The following ARPC1B variants were observed in gnomAD, a reference collection of about 807,000 sequenced individuals.
ARPC1B encodes actin related protein 2/3 complex subunit 1B, also known as actin-related protein 2/3 complex subunit 1B.
In ARPC1B, 29 loss-of-function variants were observed where a neutral mutation model predicts 46.0. That is an observed-to-expected ratio of 0.63 (90% CI 0.47 to 0.86). The LOEUF (loss-of-function observed/expected upper bound fraction) is 0.86. Ranked by LOEUF, ARPC1B falls within the 40% of genes least tolerant of loss-of-function variation. The pLI, the probability that ARPC1B is intolerant of heterozygous loss-of-function variation, is 0.00. For missense variants in ARPC1B, 469 were observed against 529.4 expected (o/e 0.89, Z 1.12); for synonymous variants, 201 against 213.9 (o/e 0.94, Z 0.53).
intron 1 of ARPC1B, among the ~76,000 whole-genome samples, chr7:99,375,255 A>G (rs1793999159): frequency 6.6e-6 from 1 of 151,538 alleles, no homozygotes; most frequent in African/African-American, 2.4e-5. Flanking sequence ...ACACCCAGTC[A>G]CTTCCCCTCC....
In ARPC1B at chr7:99,390,011, C is replaced by T. The variant is rs190333133; in HGVS notation, c.499C>T (p.Arg167Trp). ...LAAGSCDFKC[R>W]IFSAYIKEVE... Reference sequence around the variant, plus strand: ...TGCCGGCTCCTGTGACTTCAAGTGTCGGTGAGACAGGGCGCCATGGGGGAG... The same window carrying T: ...TGCCGGCTCCTGTGACTTCAAGTGTTGGTGAGACAGGGCGCCATGGGGGAG... Residue 167 changes from arginine to tryptophan, a missense_variant and splice_region_variant, in exon 5 of 10, where the codon CGG becomes TGG. By Grantham distance (101) the Arg-to-Trp change is moderately radical. Coordinates refer to ENST00000646101, the MANE Select transcript of ARPC1B (RefSeq NM_005720.4). The T allele has an allele frequency of 7.3e-5, 118 of 1,613,610 alleles. No homozygotes were observed. The highest frequency in any genetic ancestry group is 4.8e-4 in the Admixed American group (29 of 60,014).
chr7:99,380,813 C>T (rs980169927), intron 1 of ARPC1B, among the ~76,000 whole-genome samples: 15 of 152,288 alleles, frequency 9.8e-5, no homozygotes, highest in Non-Finnish European at 8.8e-5. Context: ...CCCTCATCCC[C>T]GGAGGTTCCT....
intron 1 of ARPC1B, among the ~76,000 whole-genome samples, chr7:99,376,899 A>T (rs1455818074): frequency 6.6e-6 from 1 of 152,008 alleles, no homozygotes; most frequent in African/African-American, 2.4e-5. Flanking sequence ...CAAACAAAAA[A>T]TGTCTCAGGC....
chr7:99,391,269 G>A lies in ARPC1B; in HGVS notation c.783+16G>A, dbSNP rs550507060. On this transcript the variant is annotated intron_variant, in intron 7 of 9. Transcript: ENST00000646101. ...GGTGGCAGCGGTGAGGAATAGGGAG[G>A]GGAGGGAGGGTGTGTGGTCACAGCA... 13 of 1,612,234 alleles carry A rather than the reference G, an allele frequency of 8.1e-6. No individual in the cohort carries two copies. In the African/African-American group the frequency reaches 1.3e-4, roughly 17 times the overall value.
intron 5 of ARPC1B, among the ~76,000 whole-genome samples, chr7:99,390,251 G>A (rs1467825455): frequency 1.3e-5 from 2 of 152,130 alleles, no homozygotes; most frequent in Admixed American, 6.6e-5. Context: ...TTGCTCTGTT[G>A]CCCGGGCTGG....
chr7:99,383,134 C>T (rs11983474), intron 1 of ARPC1B, among the ~76,000 whole-genome samples: 17,218 of 152,074 alleles, frequency 0.11, 1,524 homozygotes, highest in African/African-American at 0.24. Context: ...CATGAGCCAC[C>T]GTGCCTGGCC....
rs1477667457 is a variant in ARPC1B, at chr7:99,392,769, T to C, written c.882T>C (p.Arg294=). Residue 294 remains arginine (R), a synonymous_variant, in exon 8 of 10, where the codon CGT becomes CGC. Transcript: ENST00000646101. ...RLDVPKQSSQ[R]GLTARERFQN... The stretch of plus-strand genomic sequence containing the variant: ...ACGTTCCTAAGCAGAGCTCGCAGCG[T>C]GGCTTGACGGCCCGCGAGCGCTTCC... 4 of 1,549,806 alleles carry C rather than the reference T, an allele frequency of 2.6e-6. No individual in the cohort carries two copies. The highest frequency in any genetic ancestry group is 1.7e-4 in the Middle Eastern group (1 of 5,980).
intron 1 of ARPC1B, among the ~76,000 whole-genome samples, chr7:99,378,438 T>C (rs1296101379): frequency 1.3e-5 from 2 of 149,846 alleles, no homozygotes; most frequent in African/African-American, 4.9e-5. Flanking sequence ...CCCAGCACTT[T>C]GGGAGGCCGA....
At chr7:99,382,222 G>C (rs1381561102) in intron 1 of ARPC1B, among the ~76,000 whole-genome samples, 1 of 152,056 alleles carries the variant, frequency 6.6e-6, no homozygotes, top group East Asian at 1.9e-4. Flanking sequence ...CGGATCACTT[G>C]AGGTCAGGAG....
rs374960321 is a variant in ARPC1B, at chr7:99,385,694, G to C, written c.-13-8G>C. ...GACGTGGATTCTCTCTTCCTCTCTC[G>C]GGCACAGGAGCCAAGCCGCCATGGC... On this transcript the variant is annotated splice_region_variant and splice_polypyrimidine_tract_variant and intron_variant, in intron 1 of 9. Transcript: ENST00000646101. The C allele has an allele frequency of 1.2e-6, 2 of 1,604,442 alleles. No individual in the cohort carries two copies. Among genetic ancestry groups the C allele is most frequent in the Non-Finnish European group, 1.7e-6 (2 of 1,177,256 alleles).
At chr7:99,386,659 T>C in intron 2 of ARPC1B, 26 bp from the exon 3 acceptor site, 1 of 1,573,366 alleles carries the variant, frequency 6.4e-7, no homozygotes, top group Non-Finnish European at 8.7e-7. Flanking sequence ...AGAGGGCCCC[T>C]CAATCTCCCT....
chr7:99,383,924 C>T (rs1262949598), intron 1 of ARPC1B: 1 of 152,294 alleles, frequency 6.6e-6, no homozygotes, highest in African/African-American at 2.4e-5. Flanking sequence ...CTCTCAGCAT[C>T]TCTGCTGGGA....
intron 1 of ARPC1B, among the ~76,000 whole-genome samples, chr7:99,380,469 C>T (rs1226677994): frequency 3.3e-5 from 5 of 152,222 alleles, no homozygotes; most frequent in Non-Finnish European, 7.3e-5. Flanking sequence ...AGTATTTCTG[C>T]TAATTCATGC....
intron 2 of ARPC1B, 90 bp from the exon 3 acceptor site, chr7:99,386,595 G>C: frequency 1.0e-6 from 1 of 1,000,630 alleles, no homozygotes; most frequent in Non-Finnish European, 1.6e-6. Context: ...TGAAAGGTGA[G>C]GTGTTGTTGC....
chr7:99,394,698 G>GGAAAAA lies in ARPC1B; in HGVS notation c.*209_*210insGAAAAA. On this transcript the variant is annotated 3_prime_UTR_variant, in exon 10 of 10. Coordinates refer to ENST00000646101, the MANE Select transcript of ARPC1B (RefSeq NM_005720.4). Reference sequence around the variant, plus strand: ...TTTTTCTTAAATGCTTTCATTTATTGAAAAAAAAAAAAAATGCCCCCAAAG... The same window carrying GGAAAAA: ...TTTTTCTTAAATGCTTTCATTTATTGGAAAAAAAAAAAAAAAAAAATGCCCCCAAAG... 1 of 1,163,610 alleles carries GGAAAAA rather than the reference G, an allele frequency of 8.6e-7. No homozygotes were observed. The highest frequency in any genetic ancestry group is 1.9e-5 in the African/African-American group (1 of 53,368). The allele number at this position is 1,163,610 out of a possible 1,614,324, so 72.1% of individuals were successfully genotyped here.
chr7:99,379,332 A>C (rs1794137022), intron 1 of ARPC1B, among the ~76,000 whole-genome samples: 1 of 152,146 alleles, frequency 6.6e-6, no homozygotes, highest in East Asian at 1.9e-4. Context: ...TAAGACTTCA[A>C]GAGCAGAGCT....
At chr7:99,379,749 A>ACCC in intron 1 of ARPC1B, among the ~76,000 whole-genome samples, 1 of 145,500 alleles carries the variant, frequency 6.9e-6, no homozygotes, top group Non-Finnish European at 1.5e-5. Context: ...CACCACCACC[A>ACCC]CCCCGCCGCT....
intron 8 of ARPC1B, 110 bp downstream of exon 8, chr7:99,392,986 C>T: frequency 1.7e-6 from 2 of 1,176,450 alleles, no homozygotes; most frequent in South Asian, 1.6e-5. Flanking sequence ...GTGCTGGGAC[C>T]TTGAGGACTG....
intron 1 of ARPC1B, chr7:99,384,192 G>C (rs1214222766): frequency 1.3e-5 from 2 of 152,732 alleles, no homozygotes; most frequent in Non-Finnish European, 2.9e-5. Context: ...CTAGGGACAG[G>C]CTGGCAGGGG....
Sources: gnomAD v4.1 joint callset for allele counts (sites outside exome capture counted in the v4.1 genomes callset) on GRCh38, gnomAD v4.1.1 for gene constraint, MANE v1.5 for transcripts, NCBI Gene and HGNC (gene_info 2026-07-23, HGNC 2026-07-21) for gene names.